The following IQCM variants were observed in gnomAD, a reference collection of about 807,000 sequenced individuals.
IQCM encodes the protein IQ domain-containing protein M.
IQCM carries 45 observed loss-of-function variants against 57.6 expected under a neutral mutation model. That is an observed-to-expected ratio of 0.78 (90% CI 0.62 to 1.00). The LOEUF is 1.00. IQCM is among the 50% of genes least tolerant of loss of function. The pLI, the probability that IQCM is intolerant of heterozygous loss-of-function variation, is 0.00. For missense variants in IQCM, 468 were observed against 511.6 expected (o/e 0.91, Z 0.82); for synonymous variants, 148 against 158.9 (o/e 0.93, Z 0.51).
At chr4:149,417,820 CTTTT>C (rs370591152) in intron 13 of IQCM, among the ~76,000 whole-genome samples, 1 of 134,802 alleles carries the variant, frequency 7.4e-6, no homozygotes. Context: ...TCCCTTTTTC[CTTTT>C]TTTTTTTTTT....
chr4:149,809,776 A>G (rs1774390877), intron 2 of IQCM, among the ~76,000 whole-genome samples: 1 of 152,186 alleles, frequency 6.6e-6, no homozygotes, highest in Non-Finnish European at 1.5e-5. Context: ...TTGATCATAA[A>G]GCATCTCCAT....
intron 8 of IQCM, among the ~76,000 whole-genome samples, chr4:149,607,057 G>A (rs1185517857): frequency 1.3e-5 from 2 of 151,928 alleles, no homozygotes; most frequent in African/African-American, 4.8e-5. Flanking sequence ...CCATGTACAA[G>A]AAGCTCAAAG....
intron 3 of IQCM, among the ~76,000 whole-genome samples, chr4:149,735,846 C>A (rs1263381801): frequency 6.6e-6 from 1 of 152,004 alleles, no homozygotes; most frequent in Non-Finnish European, 1.5e-5. Context: ...AAAATTATAA[C>A]TGTAAAATAA....
At chr4:149,665,639 G>A (rs1353675345) in intron 7 of IQCM, among the ~76,000 whole-genome samples, 1 of 152,098 alleles carries the variant, frequency 6.6e-6, no homozygotes, top group South Asian at 2.1e-4. Flanking sequence ...ACTTGCCTAC[G>A]AGCTCATTTT....
rs141468716 is a variant in IQCM, at chr4:149,725,345, A to G, written c.385+7899T>C. Among the ~76,000 whole-genome samples the G allele has an allele frequency of 2.8e-3, 430 of 152,332 alleles. 7 individuals are homozygous for G. The South Asian group carries it at 0.056, about 20-fold the overall frequency. On this transcript the variant is annotated intron_variant, in intron 5 of 13. Coordinates refer to ENST00000636793, the MANE Select transcript of IQCM (RefSeq NM_001363507.2). Reference sequence around the variant, plus strand: ...GGGATTAATGCCACTGATATCTTAGATCATGCTTCCATTCACCCTGAAGTG... The same window carrying G: ...GGGATTAATGCCACTGATATCTTAGGTCATGCTTCCATTCACCCTGAAGTG...
intron 8 of IQCM, among the ~76,000 whole-genome samples, chr4:149,593,498 A>G (rs1223942947): frequency 6.6e-6 from 1 of 152,106 alleles, no homozygotes; most frequent in Admixed American, 6.5e-5. Context: ...ACTATGTTGA[A>G]TAAGAGTGGT....
At chr4:149,430,630 G>A (rs755816444) in intron 13 of IQCM, among the ~76,000 whole-genome samples, 10 of 151,796 alleles carry the variant, frequency 6.6e-5, no homozygotes, top group Admixed American at 2.0e-4. Flanking sequence ...TCTTTCACTC[G>A]CATACTTATT....
chr4:149,762,304 A>C (rs981099488), intron 2 of IQCM, among the ~76,000 whole-genome samples: 1 of 152,026 alleles, frequency 6.6e-6, no homozygotes, highest in Non-Finnish European at 1.5e-5. Context: ...GCCTCAAAAA[A>C]CCATTAGGGT....
At chr4:149,493,923 T>C (rs1742376114) in intron 12 of IQCM, among the ~76,000 whole-genome samples, 1 of 151,634 alleles carries the variant, frequency 6.6e-6, no homozygotes, top group Admixed American at 6.6e-5. Context: ...AAGAGCTTGT[T>C]GGCATATAAA....
intron 7 of IQCM, among the ~76,000 whole-genome samples, chr4:149,659,754 G>A (rs527752061): frequency 4.6e-5 from 7 of 152,084 alleles, no homozygotes; most frequent in Admixed American, 3.9e-4. Context: ...TTAATAAATG[G>A]TGCTGGGAAA....
chr4:149,626,835 T>C (rs1470732552), intron 7 of IQCM, among the ~76,000 whole-genome samples: 1 of 152,072 alleles, frequency 6.6e-6, no homozygotes, highest in African/African-American at 2.4e-5. Context: ...TGGAAGTGAA[T>C]TGAGGAAAGC....
intron 3 of IQCM, chr4:149,737,537 ACT>A (rs1767053420): frequency 6.6e-6 from 1 of 151,930 alleles, no homozygotes; most frequent in Admixed American, 6.6e-5. Context: ...TGAAGGCCAC[ACT>A]CTCTCTTTAT....
intron 2 of IQCM, chr4:149,790,234 A>G (rs1288168438): frequency 3.5e-5 from 10 of 285,840 alleles, no homozygotes; most frequent in Non-Finnish European, 5.5e-5. Context: ...ATAATGATGC[A>G]TCTGTGAAAT....
At chr4:149,682,535 T>A (rs892648588) in intron 6 of IQCM, among the ~76,000 whole-genome samples, 1 of 151,100 alleles carries the variant, frequency 6.6e-6, no homozygotes, top group Non-Finnish European at 1.5e-5. Flanking sequence ...TTGAGTAGCA[T>A]GTTTTCCTAA....
intron 12 of IQCM, among the ~76,000 whole-genome samples, chr4:149,524,408 G>A (rs1745958569): frequency 6.6e-6 from 1 of 152,024 alleles, no homozygotes; most frequent in South Asian, 2.1e-4. Flanking sequence ...AGACTTAAGA[G>A]CTGTAAATTT....
chr4:149,536,494 T>C (rs536740754), intron 12 of IQCM, among the ~76,000 whole-genome samples: 98 of 152,164 alleles, frequency 6.4e-4, no homozygotes, highest in African/African-American at 2.3e-3. Flanking sequence ...CATCTTACAA[T>C]GATTAACTCA....
At chr4:149,358,874 AT>A (rs1196544852) in intron 13 of IQCM, among the ~76,000 whole-genome samples, 9 of 152,104 alleles carry the variant, frequency 5.9e-5, no homozygotes, top group Non-Finnish European at 1.3e-4. Context: ...TCATGAGTAT[AT>A]CATGAGACCA....
chr4:149,673,923 C>CA, intron 7 of IQCM, among the ~76,000 whole-genome samples: 1 of 152,204 alleles, frequency 6.6e-6, no homozygotes, highest in Non-Finnish European at 1.5e-5. Context: ...ACGTATGAGC[C>CA]ATGAAAGCAA....
intron 12 of IQCM, among the ~76,000 whole-genome samples, chr4:149,490,317 CAAT>C (rs1394650701): frequency 6.6e-6 from 1 of 151,940 alleles, no homozygotes; most frequent in African/African-American, 2.4e-5. Context: ...ACATTGAAAA[CAAT>C]GATCATAACA....
Sources: allele counts gnomAD v4.1 joint callset (sites outside exome capture counted in the v4.1 genomes callset), GRCh38; gene constraint gnomAD v4.1.1; transcripts MANE v1.5; gene names NCBI Gene and HGNC (gene_info 2026-07-23, HGNC 2026-07-21).